CTSO: variants seen among roughly 807,000 people sequenced by gnomAD.
CTSO encodes cathepsin O.
Under a neutral mutation model 42.4 loss-of-function variants are expected in CTSO, and 40 were observed. The observed-to-expected ratio is 0.94, with a 90% confidence interval of 0.73 to 1.23. CTSO has a LOEUF of 1.23. Ranked by LOEUF, CTSO falls within the 50% of genes most tolerant of loss-of-function variation. The probability of loss-of-function intolerance (pLI) is 0.00; values close to 1 mark genes in which losing one functional copy is unlikely to be tolerated. For missense variants in CTSO, 441 were observed against 396.0 expected, an observed-to-expected ratio of 1.11 and a Z score of -0.96; for synonymous variants, 156 against 146.2, an observed-to-expected ratio of 1.07 and a Z score of -0.48.
chr4:155,927,185 T>C (rs1006780648), intron 7 of CTSO, among the ~76,000 whole-genome samples: 1 of 152,238 alleles, frequency 6.6e-6, no homozygotes, highest in Non-Finnish European at 1.5e-5. Flanking sequence ...CCTTATGGAA[T>C]GATTGGTTAA....
chr4:155,943,267 A>C lies in CTSO; in HGVS notation c.136-3T>G, dbSNP rs774164525. On this transcript the variant is annotated splice_polypyrimidine_tract_variant and splice_region_variant and intron_variant, in intron 1 of 7. Transcript: ENST00000433477. ...TATCGATGTCTATTAAGACTTTCCT[A>C]GAAGAAAAACAAAAACTATTTCATA... 2.5e-6 allele frequency: 4 copies of C among 1,576,018 alleles called. No individual in the cohort carries two copies. The highest frequency in any genetic ancestry group is 3.5e-6 in the Non-Finnish European group (4 of 1,148,682).
intron 6 of CTSO, among the ~76,000 whole-genome samples, 191 bp downstream of exon 6, chr4:155,929,351 C>T (rs912703333): frequency 2.7e-4 from 41 of 152,242 alleles, no homozygotes; most frequent in Admixed American, 5.2e-4. Flanking sequence ...CCTCTAGCGC[C>T]GCTGGGTTAG....
intron 7 of CTSO, among the ~76,000 whole-genome samples, chr4:155,927,585 C>G (rs551701969): frequency 3.9e-5 from 6 of 151,962 alleles, no homozygotes; most frequent in African/African-American, 9.7e-5. Context: ...CTGGCTAACA[C>G]GGTGAAACCT....
intron 1 of CTSO, among the ~76,000 whole-genome samples, chr4:155,951,372 T>C (rs1743671058): frequency 6.6e-6 from 1 of 152,152 alleles, no homozygotes; most frequent in African/African-American, 2.4e-5. Context: ...AATCCAATAG[T>C]TAAGAGCTTC....
intron 1 of CTSO, among the ~76,000 whole-genome samples, chr4:155,949,688 A>G (rs1221109706): frequency 6.6e-6 from 1 of 152,238 alleles, no homozygotes. Context: ...GTTTCTGGAA[A>G]TTGCAGTAAA....
chr4:155,933,957 T>C (rs1363422819), intron 5 of CTSO, among the ~76,000 whole-genome samples: 1 of 152,186 alleles, frequency 6.6e-6, no homozygotes, highest in Non-Finnish European at 1.5e-5. Context: ...GAGGAGACAT[T>C]GAAGCCAGCT....
chr4:155,937,310 G>T, intron 5 of CTSO, 52 bp downstream of exon 5: 1 of 1,440,796 alleles, frequency 6.9e-7, no homozygotes, highest in South Asian at 1.2e-5. Context: ...CCAGTCAATA[G>T]ATCATAAATT....
chr4:155,943,036 A>G (rs1445699884), intron 2 of CTSO, 120 bp downstream of exon 2: 7 of 652,416 alleles, frequency 1.1e-5, no homozygotes, highest in Non-Finnish European at 1.9e-5. Flanking sequence ...GACATTTAGT[A>G]GACACTTAAT....
intron 5 of CTSO, among the ~76,000 whole-genome samples, chr4:155,936,938 T>A (rs1391110415): frequency 1.3e-5 from 2 of 152,192 alleles, no homozygotes; most frequent in African/African-American, 4.8e-5. Flanking sequence ...CTACGTGATA[T>A]TAGCTGCACA....
At chr4:155,930,835 G>T (rs534209588) in intron 5 of CTSO, among the ~76,000 whole-genome samples, 1 of 152,138 alleles carries the variant, frequency 6.6e-6, no homozygotes, top group East Asian at 1.9e-4. Flanking sequence ...ATGAATATCT[G>T]CTTTTTGAGA....
In CTSO at chr4:155,932,728, G is replaced by A. The variant is rs576935058; in HGVS notation, c.675-3023C>T. Among the ~76,000 whole-genome samples, 4 of 152,142 alleles carry A rather than the reference G, an allele frequency of 2.6e-5. No individual in the cohort carries two copies. In the South Asian group the frequency reaches 6.2e-4, roughly 24 times the overall value. On this transcript the variant is annotated intron_variant, in intron 5 of 7. Transcript: ENST00000433477. ...CCCAGCAGGACTAAGCATGAGGTTA[G>A]CCACAGCACTAACTGGTTTAATCAA...
chr4:155,948,510 C>T (rs1456015237), intron 1 of CTSO, among the ~76,000 whole-genome samples: 1 of 152,072 alleles, frequency 6.6e-6, no homozygotes, highest in African/African-American at 2.4e-5. Flanking sequence ...AGCTAGGATG[C>T]TTCATGAGTA....
intron 1 of CTSO, among the ~76,000 whole-genome samples, chr4:155,951,899 C>A (rs886390489): frequency 1.3e-5 from 2 of 152,110 alleles, no homozygotes; most frequent in African/African-American, 4.8e-5. Flanking sequence ...CCATCTCCCC[C>A]ACTTCCCTCC....
In CTSO at chr4:155,928,445, A is replaced by G. The variant is rs371950968; in HGVS notation, c.839-17T>C. The G allele has an allele frequency of 1.3e-4, 196 of 1,546,956 alleles. 1 individual carries two copies. The highest frequency in any genetic ancestry group is 1.7e-4 in the Middle Eastern group (1 of 5,840). ...GAGTGCTTCCTACAGTGAAACATAAATAGTAACAAATCCTGAAAACTCAAA... is the reference window on the plus strand; with the variant it reads ...GAGTGCTTCCTACAGTGAAACATAAGTAGTAACAAATCCTGAAAACTCAAA... On this transcript the variant is annotated splice_polypyrimidine_tract_variant and intron_variant, in intron 6 of 7. Transcript: ENST00000433477.
chr4:155,953,860 C>T lies in CTSO; in HGVS notation c.-13G>A. 7.9e-7 allele frequency: 1 copy of T among 1,268,388 alleles called. No individual in the cohort carries two copies. The highest frequency in any genetic ancestry group is 1.5e-5 in the African/African-American group (1 of 64,628). The allele number at this position is 1,268,388 out of a possible 1,614,324, so 78.6% of individuals were successfully genotyped here. A position where few individuals can be genotyped will look rare whatever the true frequency, so the allele number is the denominator to read the frequency against. On this transcript the variant is annotated 5_prime_UTR_variant, in exon 1 of 8. Transcript: ENST00000433477. ...CCCGCACGTCCATTGCGGCGCCCGG[C>T]TCCTCTGCCGCCCGCGCGGCCTGTT...
chr4:155,924,167 C>G lies in CTSO; in HGVS notation c.*1869G>C, dbSNP rs573239779. ...TAGGTTGTTTTATTGTAAATGTCAT[C>G]AAAATCCAGAACAGCAGAAACATAT... On this transcript the variant is annotated 3_prime_UTR_variant, in exon 8 of 8. Coordinates refer to ENST00000433477, the MANE Select transcript of CTSO (RefSeq NM_001334.3). 3.9e-5 allele frequency: 6 copies of G among 152,238 alleles called. No homozygotes were observed. The highest frequency in any genetic ancestry group is 1.4e-4 in the African/African-American group (6 of 41,542). The allele number at this position is 152,238 out of a possible 1,614,324, so 9.4% of individuals were successfully genotyped here. A position where few individuals can be genotyped will look rare whatever the true frequency, so the allele number is the denominator to read the frequency against.
chr4:155,926,692 G>T (rs1261564108), intron 7 of CTSO, among the ~76,000 whole-genome samples: 5 of 152,128 alleles, frequency 3.3e-5, no homozygotes, highest in South Asian at 2.1e-4. Context: ...CTTTCAGGAA[G>T]AATTTGAATC....
rs766257819 is a variant in CTSO at position 155,938,790 on chromosome 4, C to CA, written c.552+580dup. Among the ~76,000 whole-genome samples the CA allele has an allele frequency of 4.3e-4, 64 of 150,500 alleles. 2 individuals carry two copies. The South Asian group carries it at 9.7e-3, about 23-fold the overall frequency. ...AAAAACAAAAACAAAAAACAAAAAA[C>CA]AAAAAAAACAAAAAAATTAGCCAAG... On this transcript the variant is annotated intron_variant, in intron 4 of 7. Transcript: ENST00000433477.
At chr4:155,934,519 C>CA (rs1296135220) in intron 5 of CTSO, among the ~76,000 whole-genome samples, 2 of 152,200 alleles carry the variant, frequency 1.3e-5, no homozygotes, top group African/African-American at 4.8e-5. Flanking sequence ...AAGCCACAGA[C>CA]ACTCAATGCC....
Sources: allele counts gnomAD v4.1 joint callset (sites outside exome capture counted in the v4.1 genomes callset), GRCh38; gene constraint gnomAD v4.1.1; transcripts MANE v1.5; gene names NCBI Gene and HGNC (gene_info 2026-07-23, HGNC 2026-07-21).